Variants in MINDY3 observed in about 807,000 individuals in gnomAD.
MINDY3 encodes the protein MINDY lysine 48 deubiquitinase 3, also known as ubiquitin carboxyl-terminal hydrolase MINDY-3.
A neutral mutation model predicts 69.2 loss-of-function variants in MINDY3; 38 were observed. That is an observed-to-expected ratio of 0.55 (90% CI 0.42 to 0.72). MINDY3 has a LOEUF of 0.72. MINDY3 is among the 30% of genes least tolerant of loss of function. The probability of loss-of-function intolerance (pLI) is 0.00; values close to 1 mark genes in which losing one functional copy is unlikely to be tolerated. For synonymous variants in MINDY3, 192 were observed against 180.1 expected (o/e 1.07, Z -0.53); for missense variants, 522 against 519.0 (o/e 1.01, Z -0.06).
intron 3 of MINDY3, 45 bp downstream of exon 3, chr10:15,843,167 T>G: frequency 6.7e-7 from 1 of 1,488,350 alleles, no homozygotes; most frequent in Non-Finnish European, 9.3e-7. Flanking sequence ...TCATCTCTAT[T>G]AAAACAGAGG....
At chr10:15,779,334 C>G (rs142373142) in intron 14 of MINDY3, among the ~76,000 whole-genome samples, 193 bp from the exon 15 acceptor site, 6 of 152,024 alleles carry the variant, frequency 3.9e-5, no homozygotes, top group African/African-American at 1.5e-4. Flanking sequence ...AATTTGTAAA[C>G]GATATTTAAT....
intron 11 of MINDY3, among the ~76,000 whole-genome samples, chr10:15,795,016 G>C (rs1419411635): frequency 1.3e-5 from 2 of 151,794 alleles, no homozygotes; most frequent in African/African-American, 4.8e-5. Flanking sequence ...TTTCAACTGT[G>C]GTTCCAAAAT....
rs575448984 is a variant in MINDY3 at position 15,816,772 on chromosome 10, T to C, written c.882+63A>G. 52 of 1,142,752 alleles carry C rather than the reference T, an allele frequency of 4.6e-5. No homozygotes were observed. The East Asian group carries it at 7.1e-4, about 16-fold the overall frequency. The allele number at this position is 1,142,752 out of a possible 1,614,324, so 70.8% of individuals were successfully genotyped here. The stretch of plus-strand genomic sequence containing the variant: ...TTTGCACAAAGATCCAAACCAAATA[T>C]GAACTTATAATACTTGTTTGCCTGA... On this transcript the variant is annotated intron_variant, in intron 10 of 14. Transcript: ENST00000277632.
intron 11 of MINDY3, among the ~76,000 whole-genome samples, chr10:15,793,581 GTACCTTT>G (rs1837580485): frequency 1.3e-5 from 2 of 152,040 alleles, no homozygotes; most frequent in African/African-American, 4.8e-5. Context: ...AGGTTAAAAA[GTACCTTT>G]TTATGACTTT....
chr10:15,781,168 C>T (rs1218407977), intron 14 of MINDY3, among the ~76,000 whole-genome samples: 1 of 151,836 alleles, frequency 6.6e-6, no homozygotes, highest in Non-Finnish European at 1.5e-5. Flanking sequence ...AATTTGGATG[C>T]TGTATATATA....
At chr10:15,798,204 G>T (rs149864164) in intron 10 of MINDY3, among the ~76,000 whole-genome samples, 1 of 152,148 alleles carries the variant, frequency 6.6e-6, no homozygotes. Flanking sequence ...AGAAAAGGGA[G>T]TATCAGGTTA....
intron 10 of MINDY3, among the ~76,000 whole-genome samples, chr10:15,799,583 T>C (rs1838105671): frequency 1.3e-5 from 2 of 152,106 alleles, no homozygotes; most frequent in African/African-American, 4.8e-5. Flanking sequence ...ACAAAGAATA[T>C]ATTTTGGCTA....
At chr10:15,786,756 C>T in intron 12 of MINDY3, 108 bp from the exon 13 acceptor site, 2 of 697,310 alleles carry the variant, frequency 2.9e-6, no homozygotes, top group Non-Finnish European at 5.1e-6. Context: ...GCCAAAAACA[C>T]TAAGAGCTGT....
intron 10 of MINDY3, among the ~76,000 whole-genome samples, chr10:15,804,657 C>T (rs192314081): frequency 2.0e-5 from 3 of 152,212 alleles, no homozygotes; most frequent in Admixed American, 2.0e-4. Flanking sequence ...AAGGTAAATG[C>T]TGTATAATTT....
intron 10 of MINDY3, among the ~76,000 whole-genome samples, chr10:15,807,543 T>G: frequency 6.6e-6 from 1 of 152,154 alleles, no homozygotes; most frequent in East Asian, 1.9e-4. Flanking sequence ...TACTCTGCTA[T>G]CAACTCTACT....
At chr10:15,802,144 A>G (rs1368118761) in intron 10 of MINDY3, among the ~76,000 whole-genome samples, 1 of 151,982 alleles carries the variant, frequency 6.6e-6, no homozygotes, top group African/African-American at 2.4e-5. Context: ...TAGTAGTTAA[A>G]TTTTTGAGGG....
intron 10 of MINDY3, among the ~76,000 whole-genome samples, chr10:15,809,286 A>C (rs1423401256): frequency 6.6e-6 from 1 of 152,220 alleles, no homozygotes; most frequent in African/African-American, 2.4e-5. Flanking sequence ...GACATATTAC[A>C]AAACAAATGT....
At chr10:15,811,554 A>T (rs1336485968) in intron 10 of MINDY3, among the ~76,000 whole-genome samples, 1 of 152,160 alleles carries the variant, frequency 6.6e-6, no homozygotes. Context: ...ATGTATTTAA[A>T]GCAGTGGTAT....
intron 14 of MINDY3, among the ~76,000 whole-genome samples, chr10:15,780,065 T>G (rs1836405684): frequency 1.3e-5 from 2 of 152,194 alleles, no homozygotes; most frequent in South Asian, 4.1e-4. Context: ...TTCCAAAGTG[T>G]ATAAAATTAT....
intron 6 of MINDY3, among the ~76,000 whole-genome samples, chr10:15,836,953 AT>A (rs555885612): frequency 1.3e-3 from 200 of 152,048 alleles, no homozygotes; most frequent in African/African-American, 4.7e-3. Flanking sequence ...AGGAAACACA[AT>A]TTGGAAGAAA....
chr10:15,860,409 G>T lies in MINDY3; in HGVS notation c.-110C>A. The T allele has an allele frequency of 5.1e-6, 4 of 791,694 alleles. No homozygotes were observed. The highest frequency in any genetic ancestry group is 8.6e-6 in the Non-Finnish European group (4 of 462,634). 49.0% of individuals were successfully genotyped at this position (791,694 alleles called of 1,614,324 possible). ...CGGGACGGCGGCGGCAAACGAATTGGAAGGTGAGGCAGGAAAGAAGAAGGG... is the reference window on the plus strand; with the variant it reads ...CGGGACGGCGGCGGCAAACGAATTGTAAGGTGAGGCAGGAAAGAAGAAGGG... On this transcript the variant is annotated 5_prime_UTR_variant, in exon 1 of 15. Coordinates refer to ENST00000277632, the MANE Select transcript of MINDY3 (RefSeq NM_024948.4).
intron 1 of MINDY3, among the ~76,000 whole-genome samples, chr10:15,857,000 T>C (rs531045877): frequency 1.7e-4 from 26 of 152,290 alleles, no homozygotes; most frequent in African/African-American, 6.3e-4. Flanking sequence ...CTTTAAAAAC[T>C]TGTCAAGTAG....
At chr10:15,779,597 CCTT>C (rs1267697066) in intron 14 of MINDY3, among the ~76,000 whole-genome samples, 2 of 152,094 alleles carry the variant, frequency 1.3e-5, no homozygotes, top group African/African-American at 2.4e-5. Flanking sequence ...ACATGTGTCT[CCTT>C]CTAATTTAAG....
chr10:15,796,523 CCATTTTTTCCA>C (rs1285934518), intron 10 of MINDY3, among the ~76,000 whole-genome samples: 7 of 149,688 alleles, frequency 4.7e-5, no homozygotes, highest in Admixed American at 4.7e-4. Flanking sequence ...AAAACCCAAA[CCATTTTTTCCA>C]CATTTTTTTG....
Sources: gnomAD v4.1 joint callset for allele counts (sites outside exome capture counted in the v4.1 genomes callset) on GRCh38, gnomAD v4.1.1 for gene constraint, MANE v1.5 for transcripts, NCBI Gene and HGNC (gene_info 2026-07-23, HGNC 2026-07-21) for gene names.